NAALADL2: variants seen among roughly 807,000 people sequenced by gnomAD.
NAALADL2 encodes N-acetylated alpha-linked acidic dipeptidase like 2, also known as inactive N-acetylated-alpha-linked acidic dipeptidase-like protein 2.
Under a neutral mutation model 87.2 loss-of-function variants are expected in NAALADL2, and 76 were observed. That is an observed-to-expected ratio of 0.87 (90% CI 0.72 to 1.05). The LOEUF is 1.05. Among genes scored for constraint, NAALADL2 ranks in the 50% least tolerant of loss-of-function variants. The pLI is 0.00. For missense variants in NAALADL2, 1,089 were observed against 945.8 expected, an observed-to-expected ratio of 1.15 and a Z score of -1.99; for synonymous variants, 354 against 331.0, an observed-to-expected ratio of 1.07 and a Z score of -0.75.
intron 5 of NAALADL2, among the ~76,000 whole-genome samples, chr3:175,411,663 A>G (rs911705732): frequency 7.9e-5 from 12 of 152,162 alleles, no homozygotes; most frequent in Non-Finnish European, 1.3e-4. Context: ...AAAGGGATGG[A>G]TGAACGGGGC....
intron 13 of NAALADL2, among the ~76,000 whole-genome samples, chr3:175,764,091 A>G (rs1051486806): frequency 6.6e-6 from 1 of 151,208 alleles, no homozygotes; most frequent in Non-Finnish European, 1.5e-5. Context: ...ATTAAAGGCT[A>G]ATTATTTAAA....
chr3:174,943,895 A>G (rs1302751991), intron 1 of NAALADL2, among the ~76,000 whole-genome samples: 1 of 152,172 alleles, frequency 6.6e-6, no homozygotes, highest in African/African-American at 2.4e-5. Flanking sequence ...AGAGACTTTC[A>G]GTTGCCCCTG....
intron 9 of NAALADL2, among the ~76,000 whole-genome samples, chr3:175,550,588 G>C (rs1018839251): frequency 6.6e-6 from 1 of 152,166 alleles, no homozygotes; most frequent in South Asian, 2.1e-4. Context: ...ACAGGAAAGC[G>C]GTGATTATAG....
intron 10 of NAALADL2, among the ~76,000 whole-genome samples, chr3:175,614,211 C>T (rs776710874): frequency 6.6e-6 from 1 of 152,152 alleles, no homozygotes; most frequent in Non-Finnish European, 1.5e-5. Flanking sequence ...AGCCACCATA[C>T]CTGGTTAACT....
chr3:174,659,032 AT>A (rs1480019667), intron 2 of NAALADL2, among the ~76,000 whole-genome samples: 1 of 152,088 alleles, frequency 6.6e-6, no homozygotes, highest in Non-Finnish European at 1.5e-5. Context: ...GTATACAGTT[AT>A]TTGTGTAGCT....
intron 9 of NAALADL2, among the ~76,000 whole-genome samples, chr3:175,574,932 C>G (rs913622021): frequency 1.3e-5 from 2 of 152,034 alleles, no homozygotes; most frequent in African/African-American, 4.8e-5. Flanking sequence ...CACAACTGTC[C>G]GGGAGATTGC....
At chr3:175,445,902 C>T (rs1490331407) in intron 5 of NAALADL2, among the ~76,000 whole-genome samples, 1 of 152,126 alleles carries the variant, frequency 6.6e-6, no homozygotes, top group East Asian at 1.9e-4. Context: ...CCTCCCTCCC[C>T]AGCTCTGCTG....
chr3:175,087,429 C>T (rs945422878), intron 1 of NAALADL2, among the ~76,000 whole-genome samples: 48 of 152,172 alleles, frequency 3.2e-4, no homozygotes, highest in Non-Finnish European at 4.1e-4. Flanking sequence ...TCATTGAGAA[C>T]GGGCCATGAT....
chr3:174,599,179 G>A (rs1178960301), intron 2 of NAALADL2, among the ~76,000 whole-genome samples: 2 of 152,108 alleles, frequency 1.3e-5, no homozygotes, highest in African/African-American at 2.4e-5. Flanking sequence ...GCAGTTGTAA[G>A]CTAATCCTCT....
intron 11 of NAALADL2, among the ~76,000 whole-genome samples, chr3:175,713,394 T>G (rs1740794564): frequency 6.6e-6 from 1 of 152,154 alleles, no homozygotes; most frequent in African/African-American, 2.4e-5. Flanking sequence ...CAGTCTGTGG[T>G]GATTCATACA....
At chr3:175,501,251 C>T (rs1729500494) in intron 9 of NAALADL2, among the ~76,000 whole-genome samples, 1 of 152,070 alleles carries the variant, frequency 6.6e-6, no homozygotes, top group African/African-American at 2.4e-5. Context: ...ATATTTGAAT[C>T]AAGATATTCT....
intron 1 of NAALADL2, among the ~76,000 whole-genome samples, chr3:175,021,060 C>G (rs1352956916): frequency 2.0e-5 from 3 of 151,996 alleles, no homozygotes; most frequent in African/African-American, 7.2e-5. Context: ...TAGCAGGAGA[C>G]AAACTTTTCT....
chr3:175,150,929 G>A (rs1388906143), intron 2 of NAALADL2, among the ~76,000 whole-genome samples: 1 of 152,186 alleles, frequency 6.6e-6, no homozygotes, highest in Non-Finnish European at 1.5e-5. Context: ...TCAGGGCCAT[G>A]CAGGTAAAGA....
chr3:175,694,569 T>C (rs1014827647), intron 11 of NAALADL2, among the ~76,000 whole-genome samples: 1 of 152,108 alleles, frequency 6.6e-6, no homozygotes, highest in Non-Finnish European at 1.5e-5. Context: ...GCAATGAATA[T>C]CCAGGAATTC....
intron 1 of NAALADL2, among the ~76,000 whole-genome samples, chr3:175,040,811 G>C (rs770629700): frequency 6.6e-6 from 1 of 152,070 alleles, no homozygotes; most frequent in Non-Finnish European, 1.5e-5. Flanking sequence ...TCATGCTTCT[G>C]TTTTTTCCAA....
chr3:175,216,377 A>G (rs1580968947), intron 2 of NAALADL2, among the ~76,000 whole-genome samples: 2 of 152,266 alleles, frequency 1.3e-5, no homozygotes, highest in South Asian at 4.1e-4. Context: ...AGGCTTTAAG[A>G]GAGTATTCAA....
rs1560005537 is a variant in NAALADL2 at position 175,781,701 on chromosome 3, GCTTT to G, written c.2190-21303_2190-21300del. Among the ~76,000 whole-genome samples, 58 of 150,340 alleles carry G rather than the reference GCTTT, an allele frequency of 3.9e-4. No homozygotes were observed. The Middle Eastern group carries it at 0.014, about 36-fold the overall frequency. On this transcript the variant is annotated intron_variant, in intron 13 of 13. Coordinates refer to ENST00000454872, the MANE Select transcript of NAALADL2 (RefSeq NM_207015.3). The stretch of plus-strand genomic sequence containing the variant: ...AAAGGTAAAAAAAAATTAACATAAC[GCTTT>G]TATTTTTTTTATTTTTTTATTATAC...
intron 1 of NAALADL2, among the ~76,000 whole-genome samples, chr3:174,880,600 C>T (rs1466086423): frequency 1.3e-5 from 2 of 152,058 alleles, no homozygotes; most frequent in East Asian, 1.9e-4. Flanking sequence ...TAGAACATGA[C>T]TGAGGTGCTT....
intron 2 of NAALADL2, among the ~76,000 whole-genome samples, chr3:174,580,257 C>A (rs542475140): frequency 6.6e-5 from 10 of 151,980 alleles, no homozygotes; most frequent in African/African-American, 2.2e-4. Flanking sequence ...AACATTTGTA[C>A]GTTTTTTCAT....
Sources: gnomAD v4.1 joint callset for allele counts (sites outside exome capture counted in the v4.1 genomes callset) on GRCh38, gnomAD v4.1.1 for gene constraint, MANE v1.5 for transcripts, NCBI Gene and HGNC (gene_info 2026-07-23, HGNC 2026-07-21) for gene names.